Variants in TIAM1 observed in about 807,000 individuals in gnomAD.
TIAM1 encodes rho guanine nucleotide exchange factor TIAM1.
In TIAM1, 65 loss-of-function variants were observed where a neutral mutation model predicts 163.5. The observed-to-expected ratio is 0.40, with a 90% CI of 0.33 to 0.49. The LOEUF is 0.49. Among genes scored for constraint, TIAM1 ranks in the 20% least tolerant of loss-of-function variants. The pLI, the probability that TIAM1 is intolerant of heterozygous loss-of-function variation, is 0.77. For synonymous variants in TIAM1, 833 were observed against 810.1 expected, an observed-to-expected ratio of 1.03 and a Z score of -0.48; for missense variants, 1,789 against 2,044.7, an observed-to-expected ratio of 0.87 and a Z score of 2.41.
intron 15 of TIAM1, among the ~76,000 whole-genome samples, chr21:31,179,659 A>G (rs923671340): frequency 1.3e-4 from 20 of 152,068 alleles, no homozygotes; most frequent in African/African-American, 4.6e-4. Flanking sequence ...GAGCGGTCTG[A>G]AGGAGGTAAC....
rs1229997744 is a variant in TIAM1, at chr21:31,243,983, G to T, written c.1584+1505C>A. Reference sequence around the variant, plus strand: ...TCAATTCAACTAGTAGGCTGCATTTGTGAGTGGGGTGGGGTTGGGGAAGGT... The same window carrying T: ...TCAATTCAACTAGTAGGCTGCATTTTTGAGTGGGGTGGGGTTGGGGAAGGT... On this transcript the variant is annotated intron_variant, in intron 6 of 27. Transcript: ENST00000541036. 1.4e-4 allele frequency among the ~76,000 whole-genome samples: 21 copies of T among 152,244 alleles called. 1 individual carries two copies. The highest frequency in any genetic ancestry group is 1.5e-5 in the Non-Finnish European group (1 of 68,040).
intron 15 of TIAM1, among the ~76,000 whole-genome samples, chr21:31,173,014 G>A (rs955641743): frequency 6.6e-6 from 1 of 152,058 alleles, no homozygotes; most frequent in Non-Finnish European, 1.5e-5. Context: ...TACCTCTGAC[G>A]CACCATCAAC....
chr21:31,390,219 T>G (rs2076945586), intron 2 of TIAM1, among the ~76,000 whole-genome samples: 1 of 152,212 alleles, frequency 6.6e-6, no homozygotes, highest in Non-Finnish European at 1.5e-5. Context: ...AACAAGGTAT[T>G]ATTTAGATTC....
chr21:31,238,631 T>C (rs552778698), intron 6 of TIAM1, among the ~76,000 whole-genome samples: 2 of 152,326 alleles, frequency 1.3e-5, no homozygotes, highest in East Asian at 1.9e-4. Context: ...CTGAGAATCA[T>C]CTAACCTGTG....
intron 2 of TIAM1, among the ~76,000 whole-genome samples, chr21:31,364,394 A>C (rs1170036058): frequency 1.3e-5 from 2 of 152,174 alleles, no homozygotes; most frequent in East Asian, 3.9e-4. Context: ...TCAAATGAGA[A>C]ACCCTCCAAA....
chr21:31,385,572 C>A (rs561734631), intron 2 of TIAM1, among the ~76,000 whole-genome samples: 2 of 151,466 alleles, frequency 1.3e-5, no homozygotes, highest in South Asian at 4.2e-4. Flanking sequence ...AGAATGTGAC[C>A]CACCCTGAAA....
intron 4 of TIAM1, among the ~76,000 whole-genome samples, chr21:31,252,747 TC>T (rs1294301432): frequency 2.0e-5 from 3 of 152,210 alleles, no homozygotes; most frequent in African/African-American, 7.2e-5. Flanking sequence ...CCTCACCCAC[TC>T]ACCCAGCACG....
Position 31,245,513 on chromosome 21 carries a change from G to A in TIAM1, c.1559C>T (p.Ser520Phe). 6.5e-7 allele frequency: 1 copy of A among 1,535,764 alleles called. No homozygotes were observed. Among genetic ancestry groups the A allele is most frequent in the East Asian group, 2.5e-5 (1 of 40,618 alleles). Residue 520 changes from serine (S) to phenylalanine (F), a missense_variant, in exon 6 of 28, where the codon TCC (serine) becomes TTC (phenylalanine). Physicochemically the swap from Ser to Phe is radical, Grantham distance 155 (BLOSUM62 -2). Transcript: ENST00000541036. Reference sequence around the variant, plus strand: ...CTGAAAAAGGAAGGCATCACCCAGGGAATTGCTGAGGCAGAAGACAAAGTC... The same window carrying A: ...CTGAAAAAGGAAGGCATCACCCAGGAAATTGCTGAGGCAGAAGACAAAGTC... ...KKDFVFCLSN[S>F]LGDAFLFQTT...
chr21:31,187,744 G>C (rs1295553206), intron 13 of TIAM1, among the ~76,000 whole-genome samples: 3 of 152,134 alleles, frequency 2.0e-5, no homozygotes, highest in African/African-American at 7.2e-5. Context: ...GAGGAAAGCA[G>C]AGTGAGGCCG....
chr21:31,354,699 G>C (rs2076287026), intron 2 of TIAM1, among the ~76,000 whole-genome samples: 1 of 152,186 alleles, frequency 6.6e-6, no homozygotes, highest in Non-Finnish European at 1.5e-5. Context: ...CCTGGCACAG[G>C]CACCAAGAGT....
At chr21:31,406,253 A>C (rs1045322142) in intron 2 of TIAM1, among the ~76,000 whole-genome samples, 1 of 151,986 alleles carries the variant, frequency 6.6e-6, no homozygotes, top group Non-Finnish European at 1.5e-5. Context: ...AGACATCATT[A>C]TAATTTATTA....
At position 31,422,224 on chromosome 21, in the gene TIAM1, T is replaced by C. The variant is rs79355962; in HGVS notation, c.-369+41759A>G. Among the ~76,000 whole-genome samples, 864 of 151,780 alleles carry C rather than the reference T, an allele frequency of 5.7e-3. 4 individuals carry two copies. The highest frequency in any genetic ancestry group is 8.0e-3 in the Admixed American group (122 of 15,238). The stretch of plus-strand genomic sequence containing the variant: ...AAGTCTCAAAGTAAAGACAAGAAAA[T>C]CACACAAAAGAGGGATTATTGAGAG... On this transcript the variant is annotated intron_variant, in intron 2 of 28. Coordinates refer to the TIAM1 transcript ENST00000286827.
intron 3 of TIAM1, among the ~76,000 whole-genome samples, chr21:31,274,387 C>G (rs1160914912): frequency 6.6e-6 from 1 of 152,138 alleles, no homozygotes; most frequent in Non-Finnish European, 1.5e-5. Context: ...GCATAAAGAA[C>G]ATAGAAAAAT....
intron 15 of TIAM1, among the ~76,000 whole-genome samples, chr21:31,180,520 T>G (rs1171438974): frequency 1.1e-5 from 1 of 91,382 alleles, no homozygotes; most frequent in Non-Finnish European, 1.8e-5. Flanking sequence ...TTTACCCACC[T>G]CTTTTTTTTT....
chr21:31,476,518 A>T (rs2045940501), intron 1 of TIAM1, among the ~76,000 whole-genome samples: 1 of 152,218 alleles, frequency 6.6e-6, no homozygotes, highest in African/African-American at 2.4e-5. Context: ...AGTAAATTAC[A>T]GATTCACTAA....
intron 2 of TIAM1, among the ~76,000 whole-genome samples, chr21:31,336,863 A>G (rs2075858775): frequency 6.6e-6 from 1 of 152,148 alleles, no homozygotes; most frequent in African/African-American, 2.4e-5. Context: ...GGTAACCAAC[A>G]AGGACAGGTG....
At chr21:31,287,737 A>T (rs1419942467) in intron 2 of TIAM1, among the ~76,000 whole-genome samples, 1 of 152,204 alleles carries the variant, frequency 6.6e-6, no homozygotes, top group Non-Finnish European at 1.5e-5. Flanking sequence ...GGAGATGATG[A>T]AGCTAAAAAG....
At chr21:31,213,554 A>G (rs560801452) in intron 9 of TIAM1, 82 bp from the exon 10 acceptor site, 2 of 1,209,800 alleles carry the variant, frequency 1.7e-6, no homozygotes, top group African/African-American at 1.5e-5. Flanking sequence ...GGAAATGGGC[A>G]TGGCTATGAC....
chr21:31,440,477 A>G (rs1165996752), intron 2 of TIAM1, among the ~76,000 whole-genome samples: 2 of 152,244 alleles, frequency 1.3e-5, no homozygotes, highest in Non-Finnish European at 2.9e-5. Context: ...CTTTAAAAAA[A>G]AGTCACAACA....
Sources: gnomAD v4.1 joint callset for allele counts (sites outside exome capture counted in the v4.1 genomes callset) on GRCh38, gnomAD v4.1.1 for gene constraint, MANE v1.5 for transcripts, NCBI Gene and HGNC (gene_info 2026-07-23, HGNC 2026-07-21) for gene names.